Variants in SLC41A2 observed in about 807,000 individuals in gnomAD.
The protein encoded by SLC41A2 is solute carrier family 41 member 2, also known as SLC41A1-like 1.
Under a neutral mutation model 58.3 loss-of-function variants are expected in SLC41A2, and 32 were observed. The ratio of observed to expected loss-of-function variants is 0.55; its 90% CI spans 0.41 to 0.74. The LOEUF (loss-of-function observed/expected upper bound fraction) is 0.74, where lower values mean the gene tolerates loss of function less well. SLC41A2 is among the 30% of genes least tolerant of loss of function. The probability of loss-of-function intolerance (pLI) is 0.00; values close to 1 mark genes in which losing one functional copy is unlikely to be tolerated. For synonymous variants in SLC41A2, 190 were observed against 235.0 expected, an observed-to-expected ratio of 0.81 and a Z score of 1.75; for missense variants, 514 against 680.6, an observed-to-expected ratio of 0.76 and a Z score of 2.72.
chr12:104,806,080 ATACTT>A (rs779830513), intron 10 of SLC41A2, among the ~76,000 whole-genome samples: 27 of 152,092 alleles, frequency 1.8e-4, no homozygotes, highest in Admixed American at 8.5e-4. Flanking sequence ...ATTTTTTACT[ATACTT>A]TAAGTTTTAG....
intron 6 of SLC41A2, among the ~76,000 whole-genome samples, chr12:104,876,897 T>C (rs2044075238): frequency 6.6e-6 from 1 of 152,228 alleles, no homozygotes; most frequent in Non-Finnish European, 1.5e-5. Flanking sequence ...CCTACTACTA[T>C]TGTCTTACTG....
At chr12:104,885,218 T>A (rs558047929) in intron 6 of SLC41A2, among the ~76,000 whole-genome samples, 43 of 152,224 alleles carry the variant, frequency 2.8e-4, no homozygotes, top group Non-Finnish European at 5.0e-4. Flanking sequence ...TGCAACCTTA[T>A]CTTCTAAATG....
chr12:104,804,881 T>C lies in SLC41A2; in HGVS notation c.*271A>G. 1 of 240,238 alleles carries C rather than the reference T, an allele frequency of 4.2e-6. No individual in the cohort carries two copies. 14.9% of individuals were successfully genotyped at this position (240,238 alleles called of 1,614,324 possible). ...AAAATTATTCACTGTAAACATCCTA[T>C]ATTCTTTCCTAATTAATTTCAGAGC... On this transcript the variant is annotated 3_prime_UTR_variant, in exon 11 of 11. Transcript: ENST00000258538.
chr12:104,946,090 T>C (rs917875794), intron 1 of SLC41A2, among the ~76,000 whole-genome samples: 1 of 152,194 alleles, frequency 6.6e-6, no homozygotes, highest in African/African-American at 2.4e-5. Context: ...TTGGCGACCC[T>C]TTCTAGTGCT....
chr12:104,903,049 G>T (rs2135741127), intron 3 of SLC41A2, among the ~76,000 whole-genome samples: 1 of 152,234 alleles, frequency 6.6e-6, no homozygotes, highest in Admixed American at 6.5e-5. Flanking sequence ...GATCCAGAAA[G>T]AATTTTTAGT....
chr12:104,810,878 C>T (rs931373369), intron 10 of SLC41A2, among the ~76,000 whole-genome samples: 1 of 152,202 alleles, frequency 6.6e-6, no homozygotes, highest in African/African-American at 2.4e-5. Context: ...GAGTCCAACA[C>T]TAAAGCCCAT....
intron 8 of SLC41A2, among the ~76,000 whole-genome samples, chr12:104,855,837 C>T (rs972185146): frequency 2.6e-5 from 4 of 152,138 alleles, no homozygotes; most frequent in East Asian, 1.9e-4. Flanking sequence ...TAGCTAACAC[C>T]GCTAACTGAC....
At chr12:104,838,488 A>G (rs1425846262) in intron 10 of SLC41A2, among the ~76,000 whole-genome samples, 2 of 152,240 alleles carry the variant, frequency 1.3e-5, no homozygotes, top group African/African-American at 4.8e-5. Context: ...AAATTCAAAA[A>G]CAAGTATTGC....
chr12:104,834,172 G>A (rs1362366959), intron 10 of SLC41A2: 1 of 985,218 alleles, frequency 1.0e-6, no homozygotes, highest in Admixed American at 6.2e-5. Context: ...TGGAGCCCAA[G>A]CATACCTATC....
chr12:104,875,505 G>A (rs2044000299), intron 6 of SLC41A2, among the ~76,000 whole-genome samples: 1 of 152,156 alleles, frequency 6.6e-6, no homozygotes, highest in Admixed American at 6.5e-5. Context: ...TATAAAATGA[G>A]TCTGGGCTGG....
chr12:104,937,711 T>C (rs1565916590), intron 1 of SLC41A2, among the ~76,000 whole-genome samples: 1 of 152,228 alleles, frequency 6.6e-6, no homozygotes, highest in South Asian at 2.1e-4. Flanking sequence ...TCCAGTGGCA[T>C]GGCATCAACT....
At chr12:104,805,378 T>G (rs750548126) in intron 10 of SLC41A2, 41 bp from the exon 11 acceptor site, 14 of 1,547,130 alleles carry the variant, frequency 9.0e-6, no homozygotes, top group Non-Finnish European at 8.8e-6. Context: ...TGCCTGGACA[T>G]TCCTAGCCCA....
At chr12:104,932,221 T>C (rs1226784886) in intron 1 of SLC41A2, among the ~76,000 whole-genome samples, 4 of 152,218 alleles carry the variant, frequency 2.6e-5, no homozygotes, top group African/African-American at 7.2e-5. Flanking sequence ...TCACCTATTA[T>C]AAACTCTTCT....
intron 2 of SLC41A2, among the ~76,000 whole-genome samples, chr12:104,916,604 T>A (rs1229269885): frequency 6.6e-6 from 1 of 151,920 alleles, no homozygotes; most frequent in Non-Finnish European, 1.5e-5. Flanking sequence ...CAAAACAGCA[T>A]GGTACTGGTA....
intron 8 of SLC41A2, among the ~76,000 whole-genome samples, chr12:104,847,696 T>C (rs181200225): frequency 3.7e-4 from 57 of 152,134 alleles, no homozygotes; most frequent in Non-Finnish European, 6.5e-4. Flanking sequence ...TCTGTTTTTA[T>C]ACACAGAAAA....
chr12:104,885,898 A>G (rs1314794174), intron 6 of SLC41A2, among the ~76,000 whole-genome samples: 2 of 152,078 alleles, frequency 1.3e-5, no homozygotes, highest in Non-Finnish European at 2.9e-5. Flanking sequence ...ATATTCTGAG[A>G]TGGTTCTATA....
At chr12:104,832,805 A>G (rs1177398526) in intron 10 of SLC41A2, among the ~76,000 whole-genome samples, 2 of 151,892 alleles carry the variant, frequency 1.3e-5, no homozygotes, top group African/African-American at 4.8e-5. Context: ...TTTCTTGGTC[A>G]GGCCTCAAAA....
intron 1 of SLC41A2, among the ~76,000 whole-genome samples, chr12:104,954,289 G>C (rs1308987357): frequency 6.6e-6 from 1 of 152,174 alleles, no homozygotes; most frequent in Non-Finnish European, 1.5e-5. Flanking sequence ...GACAGTTCTA[G>C]TCATTTCCAT....
At chr12:104,874,853 GA>G (rs2043972660) in intron 6 of SLC41A2, among the ~76,000 whole-genome samples, 1 of 152,104 alleles carries the variant, frequency 6.6e-6, no homozygotes, top group Non-Finnish European at 1.5e-5. Context: ...ATGAATTTTA[GA>G]ATTCTTTTTT....
Sources: gnomAD v4.1 joint callset for allele counts (sites outside exome capture counted in the v4.1 genomes callset) on GRCh38, gnomAD v4.1.1 for gene constraint, MANE v1.5 for transcripts, NCBI Gene and HGNC (gene_info 2026-07-23, HGNC 2026-07-21) for gene names.